The following SOX17 variants were observed in gnomAD, a reference collection of about 807,000 sequenced individuals.
SOX17 encodes the protein SRY-box transcription factor 17.
In SOX17, 4 loss-of-function variants were observed where a neutral mutation model predicts 16.0. The observed-to-expected ratio is 0.25, with a 90% CI of 0.12 to 0.57. The LOEUF (loss-of-function observed/expected upper bound fraction) is 0.57, where lower values mean the gene tolerates loss of function less well. SOX17 is among the 20% of genes least tolerant of loss of function. The probability of loss-of-function intolerance (pLI) is 0.92; values close to 1 mark genes in which losing one functional copy is unlikely to be tolerated. For missense variants in SOX17, 633 were observed against 609.7 expected, an observed-to-expected ratio of 1.04 and a Z score of -0.40; for synonymous variants, 357 against 284.6, an observed-to-expected ratio of 1.25 and a Z score of -2.56.
rs1804718945 is a variant in SOX17 at position 54,460,155 on chromosome 8, A to C, written c.*160A>C. On this transcript the variant is annotated 3_prime_UTR_variant, in exon 2 of 2. Transcript: ENST00000297316. ...TTTATGGTAATTTATTTTGTCTGCC[A>C]CTTGAACAGTTTGGGGGGGTGAGGT... 1 of 753,938 alleles carries C rather than the reference A, an allele frequency of 1.3e-6. No homozygotes were observed. Among genetic ancestry groups the C allele is most frequent in the Non-Finnish European group, 2.2e-6 (1 of 457,064 alleles). 46.7% of individuals were successfully genotyped at this position (753,938 alleles called of 1,614,324 possible).
rs766512008 is a variant in SOX17, at chr8:54,459,576, C to T, written c.826C>T (p.Pro276Ser). ...PAGPMHPRLG[P>S]EPAGPSIPGL... ...CGGTCCCATGCACCCCCGACTCGGC[C>T]CAGAGCCCGCGGGTCCCTCGATTCC... Residue 276 changes from proline (P) to serine (S), a missense_variant, in exon 2 of 2, where the codon CCA becomes TCA. By Grantham distance (74) the Pro-to-Ser change is moderately conservative (BLOSUM62 -1). Transcript: ENST00000297316. 2 of 1,538,480 alleles carry T rather than the reference C, an allele frequency of 1.3e-6. No individual in the cohort carries two copies. The highest frequency in any genetic ancestry group is 2.4e-5 in the South Asian group (2 of 84,152).
In SOX17 at chr8:54,457,981, GA is replaced by G; in HGVS notation, c.-157del. The G allele has an allele frequency of 1.1e-6, 1 of 918,110 alleles. No individual in the cohort carries two copies. The highest frequency in any genetic ancestry group is 2.0e-5 in the South Asian group (1 of 50,628). The allele number at this position is 918,110 out of a possible 1,614,324, so 56.9% of individuals were successfully genotyped here. A position where few individuals can be genotyped will look rare whatever the true frequency, so the allele number is the denominator to read the frequency against. ...GGGGCCCTGGGTACGCTGTAGACCAGACCGCGACAGGCCAGAACACGGGCGG... is the reference window on the plus strand; with the variant it reads ...GGGGCCCTGGGTACGCTGTAGACCAGCCGCGACAGGCCAGAACACGGGCGG... On this transcript the variant is annotated 5_prime_UTR_variant, in exon 1 of 2. Transcript: ENST00000297316.
rs1266782495 is a variant in SOX17, at chr8:54,459,596, G to T, written c.846G>T (p.Ser282=). The change falls in exon 2 of 2, where the codon TCG becomes TCT. Residue 282 remains serine (S), a synonymous_variant. Transcript: ENST00000297316. ...TCGGCCCAGAGCCCGCGGGTCCCTC[G>T]ATTCCGGGCCTCCTGGCGCCACCCA... The part of the protein sequence containing the change: ...PRLGPEPAGP[S]IPGLLAPPSA... 6.5e-6 allele frequency: 10 copies of T among 1,540,604 alleles called. No homozygotes were observed. The highest frequency in any genetic ancestry group is 1.9e-5 in the Admixed American group (1 of 52,626).
chr8:54,459,828 C>G lies in SOX17; in HGVS notation c.1078C>G (p.Arg360Gly). 3 of 1,613,232 alleles carry G rather than the reference C, an allele frequency of 1.9e-6. No individual in the cohort carries two copies. The highest frequency in any genetic ancestry group is 4.5e-5 in the East Asian group (2 of 44,870). The change falls in exon 2 of 2, where the codon CGC becomes GGC. Residue 360 changes from arginine to glycine, a missense_variant. Around this residue, in one of 5 missense-constraint regions of SOX17, gnomAD observed 479 missense variants for 397.2 expected, o/e 1.21. Transcript: ENST00000297316. ...CGCCGAGCTCCTCGGGGAGGTGGAC[C>G]GCACGGAATTTGAACAGTATCTGCA... ...QPAELLGEVD[R>G]TEFEQYLHFV...
Position 54,459,476 on chromosome 8 carries a change from C to G in SOX17, c.726C>G (p.Pro242=). The change falls in exon 2 of 2, where the codon CCC becomes CCG. Residue 242 remains proline, a synonymous_variant. Coordinates refer to ENST00000297316, the MANE Select transcript of SOX17 (RefSeq NM_022454.4). ...PDPAFFAAPM[P]GDCPAAGTYS... is the part of the protein sequence containing the mutation. Reference sequence around the variant, plus strand: ...CGGCTTTCTTCGCCGCCCCGATGCCCGGGGACTGCCCGGCGGCCGGCACCT... The same window carrying G: ...CGGCTTTCTTCGCCGCCCCGATGCCGGGGGACTGCCCGGCGGCCGGCACCT... 1 of 1,524,728 alleles carries G rather than the reference C, an allele frequency of 6.6e-7. No homozygotes were observed. 94.4% of individuals were successfully genotyped at this position (1,524,728 alleles called of 1,614,324 possible).
chr8:54,459,388 C>A lies in SOX17; in HGVS notation c.638C>A (p.Pro213Gln). Reference protein sequence around the residue: ...YRDCQSLGAPPLDGYPLPTPD... With the variant: ...YRDCQSLGAPQLDGYPLPTPD... The stretch of plus-strand genomic sequence containing the variant: ...GACTGCCAGAGTCTGGGCGCGCCTC[C>A]GCTCGACGGCTACCCGTTGCCCACG... Residue 213 changes from proline (P) to glutamine (Q), a missense_variant, in exon 2 of 2, where the codon CCG becomes CAG. Transcript: ENST00000297316. The A allele has an allele frequency of 6.4e-7, 1 of 1,557,450 alleles. No individual in the cohort carries two copies. The highest frequency in any genetic ancestry group is 8.6e-7 in the Non-Finnish European group (1 of 1,162,398).
At position 54,459,206 on chromosome 8, in the gene SOX17, G is replaced by T; in HGVS notation, c.456G>T (p.Glu152Asp). 6.3e-7 allele frequency: 1 copy of T among 1,582,004 alleles called. No homozygotes were observed. The highest frequency in any genetic ancestry group is 8.6e-7 in the Non-Finnish European group (1 of 1,166,424). Reference sequence around the variant, plus strand: ...AGGTGAAGCGGCTGAAGCGGGTGGAGGGCGGCTTCCTGCACGGCCTGGCTG... The same window carrying T: ...AGGTGAAGCGGCTGAAGCGGGTGGATGGCGGCTTCCTGCACGGCCTGGCTG... ...RKQVKRLKRV[E>D]GGFLHGLAEP... Residue 152 changes from glutamate to aspartate, a missense_variant, in exon 2 of 2, where the codon GAG becomes GAT. Glu to Asp is a conservative substitution (Grantham distance 45). This residue lies in a region of SOX17 where 479 missense variants were observed against 397.2 expected (regional missense o/e 1.21). Coordinates refer to ENST00000297316, the MANE Select transcript of SOX17 (RefSeq NM_022454.4).
rs1295856414 is a variant in SOX17 at position 54,460,034 on chromosome 8, G to C, written c.*39G>C. ...CGCCCCAGCCTGCAGGCCAGAAGCA[G>C]TGTTACACACTTCCTGGAGGAGCTA... On this transcript the variant is annotated 3_prime_UTR_variant, in exon 2 of 2. Transcript: ENST00000297316. The C allele has an allele frequency of 1.2e-6, 2 of 1,603,130 alleles. 1 individual carries two copies. The highest frequency in any genetic ancestry group is 2.7e-5 in the African/African-American group (2 of 74,694).
At position 54,459,351 on chromosome 8, in the gene SOX17, G is replaced by T; in HGVS notation, c.601G>T (p.Gly201Cys). The T allele has an allele frequency of 6.4e-7, 1 of 1,553,894 alleles. No individual in the cohort carries two copies. Among genetic ancestry groups the T allele is most frequent in the Non-Finnish European group, 8.6e-7 (1 of 1,161,194 alleles). Residue 201 changes from glycine to cysteine, a missense_variant, in exon 2 of 2, where the codon GGC (glycine) becomes TGC (cysteine). Coordinates refer to ENST00000297316, the MANE Select transcript of SOX17 (RefSeq NM_022454.4). ...GCCGCTGCTGCCTCCGCACATGGGC[G>T]GCCACTACCGCGACTGCCAGAGTCT... ...GPPLLPPHMG[G>C]HYRDCQSLGA...
chr8:54,458,722 C>T (rs750641065), intron 1 of SOX17, among the ~76,000 whole-genome samples: 122 of 152,216 alleles, frequency 8.0e-4, no homozygotes, highest in Non-Finnish European at 1.5e-3. Context: ...CACCTCCGGG[C>T]GGCGCGAGAG....
At position 54,459,905 on chromosome 8, in the gene SOX17, T is replaced by G. The variant is rs1804714814; in HGVS notation, c.1155T>G (p.Gly385=). Residue 385 remains glycine (G), a synonymous_variant, in exon 2 of 2, where the codon GGT becomes GGG. Transcript: ENST00000297316. The part of the protein sequence containing the change: ...MGLPYQGHDS[G]VNLPDSHGAI... ...TCCCCTACCAGGGGCATGACTCCGGTGTGAATCTCCCCGACAGCCACGGGG... is the reference window on the plus strand; with the variant it reads ...TCCCCTACCAGGGGCATGACTCCGGGGTGAATCTCCCCGACAGCCACGGGG... 6.2e-7 allele frequency: 1 copy of G among 1,613,844 alleles called. No individual in the cohort carries two copies. Among genetic ancestry groups the G allele is most frequent in the Middle Eastern group, 1.6e-4 (1 of 6,062 alleles).
chr8:54,457,980 A>G lies in SOX17; in HGVS notation c.-159A>G, dbSNP rs1804661163. On this transcript the variant is annotated 5_prime_UTR_variant, in exon 1 of 2. Transcript: ENST00000297316. ...GGGGGCCCTGGGTACGCTGTAGACCAGACCGCGACAGGCCAGAACACGGGC... is the reference window on the plus strand; with the variant it reads ...GGGGGCCCTGGGTACGCTGTAGACCGGACCGCGACAGGCCAGAACACGGGC... 2.1e-5 allele frequency: 19 copies of G among 900,400 alleles called. No individual in the cohort carries two copies. Among genetic ancestry groups the G allele is most frequent in the Non-Finnish European group, 2.8e-5 (18 of 632,708 alleles). 55.8% of individuals were successfully genotyped at this position (900,400 alleles called of 1,614,324 possible).
At position 54,459,508 on chromosome 8, in the gene SOX17, A is replaced by G; in HGVS notation, c.758A>G (p.Tyr253Cys). The G allele has an allele frequency of 6.5e-7, 1 of 1,527,708 alleles. No homozygotes were observed. Among genetic ancestry groups the G allele is most frequent in the Non-Finnish European group, 8.7e-7 (1 of 1,144,048 alleles). 94.6% of individuals were successfully genotyped at this position (1,527,708 alleles called of 1,614,324 possible). ...GDCPAAGTYS[Y>C]AQVSDYAGPP... ...TGCCCGGCGGCCGGCACCTACAGCT[A>G]CGCGCAGGTCTCGGACTACGCTGGC... Residue 253 changes from tyrosine to cysteine, a missense_variant, in exon 2 of 2, where the codon TAC becomes TGC. Physicochemically the swap from Tyr to Cys is radical, Grantham distance 194 (BLOSUM62 -2). Coordinates refer to ENST00000297316, the MANE Select transcript of SOX17 (RefSeq NM_022454.4).
In SOX17 at chr8:54,458,309, G is replaced by A. The variant is rs1804670451; in HGVS notation, c.171G>A (p.Gly57=). 6.2e-7 allele frequency: 1 copy of A among 1,611,394 alleles called. No homozygotes were observed. Among genetic ancestry groups the A allele is most frequent in the South Asian group, 1.1e-5 (1 of 90,964 alleles). The change falls in exon 1 of 2, where the codon GGG becomes GGA. Residue 57 remains glycine, a synonymous_variant. Coordinates refer to ENST00000297316, the MANE Select transcript of SOX17 (RefSeq NM_022454.4). ...EAPANSGAPA[G]AAGRAKGESR... ...CGGCGAACAGCGGAGCACCGGCCGG[G>A]GCCGCGGGCCGAGCCAAGGGCGAGT...
rs1216288576 is a variant in SOX17, at chr8:54,459,790, ACCCCAGTCAGCC to A, written c.1042_1053del (p.Pro348_Pro351del). 2.5e-6 allele frequency: 4 copies of A among 1,606,330 alleles called. No individual in the cohort carries two copies. Among genetic ancestry groups the A allele is most frequent in the Non-Finnish European group, 3.4e-6 (4 of 1,177,186 alleles). On this transcript the variant is annotated inframe_deletion, in exon 2 of 2. Coordinates refer to ENST00000297316, the MANE Select transcript of SOX17 (RefSeq NM_022454.4). ...GCACTGCCCTGCCGGGACGGCACGGACCCCAGTCAGCCCGCCGAGCTCCTCGGGGAGGTGGAC... is the reference window on the plus strand; with the variant it reads ...GCACTGCCCTGCCGGGACGGCACGGACGCCGAGCTCCTCGGGGAGGTGGAC...
chr8:54,459,451 C>T lies in SOX17; in HGVS notation c.701C>T (p.Pro234Leu), dbSNP rs1253917890. The T allele has an allele frequency of 1.3e-6, 2 of 1,522,818 alleles. No individual in the cohort carries two copies. The highest frequency in any genetic ancestry group is 1.8e-6 in the Non-Finnish European group (2 of 1,142,256). 94.3% of individuals were successfully genotyped at this position (1,522,818 alleles called of 1,614,324 possible). Residue 234 changes from proline to leucine, a missense_variant, in exon 2 of 2, where the codon CCG (proline) becomes CTG (leucine). Transcript: ENST00000297316. ...CCGCTGGACGGCGTGGACCCCGACC[C>T]GGCTTTCTTCGCCGCCCCGATGCCC... ...TSPLDGVDPD[P>L]AFFAAPMPGD...
chr8:54,460,099 GTTGT>G lies in SOX17; in HGVS notation c.*107_*110del. 4 of 1,283,556 alleles carry G rather than the reference GTTGT, an allele frequency of 3.1e-6. No individual in the cohort carries two copies. Among genetic ancestry groups the G allele is most frequent in the Non-Finnish European group, 4.5e-6 (4 of 892,200 alleles). The allele number at this position is 1,283,556 out of a possible 1,614,324, so 79.5% of individuals were successfully genotyped here. A position where few individuals can be genotyped will look rare whatever the true frequency, so the allele number is the denominator to read the frequency against. On this transcript the variant is annotated 3_prime_UTR_variant, in exon 2 of 2. Transcript: ENST00000297316. ...CTCCTGGGTTTTTGTTGTTGCTGTT[GTTGT>G]TTTTTAAAAGGTGTGTTGGCATATA...
In SOX17 at chr8:54,459,430, T is replaced by C; in HGVS notation, c.680T>C (p.Leu227Pro). 5 of 1,528,022 alleles carry C rather than the reference T, an allele frequency of 3.3e-6. No individual in the cohort carries two copies. Among genetic ancestry groups the C allele is most frequent in the Non-Finnish European group, 3.5e-6 (4 of 1,145,746 alleles). The allele number at this position is 1,528,022 out of a possible 1,614,324, so 94.7% of individuals were successfully genotyped here. A position where few individuals can be genotyped will look rare whatever the true frequency, so the allele number is the denominator to read the frequency against. ...YPLPTPDTSP[L>P]DGVDPDPAFF... ...TTGCCCACGCCCGACACGTCCCCGC[T>C]GGACGGCGTGGACCCCGACCCGGCT... The change falls in exon 2 of 2, where the codon CTG becomes CCG. Residue 227 changes from leucine (L) to proline (P), a missense_variant. By Grantham distance (98) the Leu-to-Pro change is moderately conservative (BLOSUM62 -3). Around this residue, in one of 5 missense-constraint regions of SOX17, gnomAD observed 479 missense variants for 397.2 expected, o/e 1.21. Coordinates refer to ENST00000297316, the MANE Select transcript of SOX17 (RefSeq NM_022454.4).
At position 54,459,496 on chromosome 8, in the gene SOX17, G is replaced by A. The variant is rs1804698622; in HGVS notation, c.746G>A (p.Gly249Asp). 3 of 1,525,608 alleles carry A rather than the reference G, an allele frequency of 2.0e-6. No homozygotes were observed. Among genetic ancestry groups the A allele is most frequent in the East Asian group, 5.1e-5 (2 of 39,570 alleles). The allele number at this position is 1,525,608 out of a possible 1,614,324, so 94.5% of individuals were successfully genotyped here. A position where few individuals can be genotyped will look rare whatever the true frequency, so the allele number is the denominator to read the frequency against. ...ATGCCCGGGGACTGCCCGGCGGCCG[G>A]CACCTACAGCTACGCGCAGGTCTCG... Reference protein sequence around the residue: ...APMPGDCPAAGTYSYAQVSDY... With the variant: ...APMPGDCPAADTYSYAQVSDY... Residue 249 changes from glycine to aspartate, a missense_variant, in exon 2 of 2, where the codon GGC becomes GAC. Gly to Asp is a moderately conservative substitution (Grantham distance 94, BLOSUM62 -1). Transcript: ENST00000297316.
Sources: gnomAD v4.1 joint callset for allele counts (sites outside exome capture counted in the v4.1 genomes callset) on GRCh38, gnomAD v4.1.1 for gene constraint, gnomAD v4.1.1 regional missense constraint, MANE v1.5 for transcripts, NCBI Gene and HGNC (gene_info 2026-07-23, HGNC 2026-07-21) for gene names.